SV2B: variants seen among roughly 807,000 people sequenced by gnomAD.
The protein encoded by SV2B is synaptic vesicle glycoprotein 2B.
Under a neutral mutation model 73.9 loss-of-function variants are expected in SV2B, and 41 were observed. That is an observed-to-expected ratio of 0.56 (90% CI 0.43 to 0.72). The LOEUF is 0.72. Ranked by LOEUF, SV2B falls within the 30% of genes least tolerant of loss-of-function variation. The probability of loss-of-function intolerance (pLI) is 0.00; values close to 1 mark genes in which losing one functional copy is unlikely to be tolerated. For synonymous variants in SV2B, 314 were observed against 314.2 expected (o/e 1.00, Z 0.01); for missense variants, 764 against 857.8 (o/e 0.89, Z 1.37).
chr15:91,190,955 G>A lies in SV2B; in HGVS notation c.-391-34918G>A, dbSNP rs146439575. 2.6e-3 allele frequency among the ~76,000 whole-genome samples: 374 copies of A among 146,300 alleles called. 1 individual carries two copies. Among genetic ancestry groups the A allele is most frequent in the African/African-American group, 9.1e-3 (362 of 39,782 alleles). ...GATCATTATAGTTTCTTGATCTAGTGTTTTGTCTACCTTTATTTATCATAC... is the reference window on the plus strand; with the variant it reads ...GATCATTATAGTTTCTTGATCTAGTATTTTGTCTACCTTTATTTATCATAC... On this transcript the variant is annotated intron_variant, in intron 1 of 12. Coordinates refer to ENST00000394232, the MANE Select transcript of SV2B (RefSeq NM_001323032.3).
chr15:91,260,407 A>G lies in SV2B; in HGVS notation c.1006A>G (p.Thr336Ala). Residue 336 changes from threonine to alanine, a missense_variant and splice_region_variant, in exon 6 of 13, where the codon ACG becomes GCG. Coordinates refer to ENST00000394232, the MANE Select transcript of SV2B (RefSeq NM_001323032.3). Reference sequence around the variant, plus strand: ...TAAGGGGACCCCAGAGAAAGTGTTCACGGTGAGTGTGGGGTTGCCTGCCAA... The same window carrying G: ...TAAGGGGACCCCAGAGAAAGTGTTCGCGGTGAGTGTGGGGTTGCCTGCCAA... ...RAKGTPEKVF[T>A]VSNIKTPKQM... 1 of 1,612,342 alleles carries G rather than the reference A, an allele frequency of 6.2e-7. No homozygotes were observed. Among genetic ancestry groups the G allele is most frequent in the South Asian group, 1.1e-5 (1 of 90,776 alleles).
In SV2B at chr15:91,265,814, T is replaced by C. The variant is rs1048483313; in HGVS notation, c.1009-768T>C. ...CATTTCTGGGAAGAGAGCCTATGCC[T>C]TTAGCAGATTCTCAAATTCTCCCAA... On this transcript the variant is annotated intron_variant, in intron 6 of 12. Coordinates refer to ENST00000394232, the MANE Select transcript of SV2B (RefSeq NM_001323032.3). The surrounding 1 kb of genome is among the most constrained non-coding windows in gnomAD (Gnocchi z 4.2). Among the ~76,000 whole-genome samples the C allele has an allele frequency of 1.3e-5, 2 of 152,206 alleles. No individual in the cohort carries two copies. The highest frequency in any genetic ancestry group is 4.8e-5 in the African/African-American group (2 of 41,452).
In SV2B at chr15:91,123,525, G is replaced by A. The variant is rs560516389; in HGVS notation, c.-392+23162G>A. Among the ~76,000 whole-genome samples, 2 of 152,234 alleles carry A rather than the reference G, an allele frequency of 1.3e-5. No individual in the cohort carries two copies. Among genetic ancestry groups the A allele is most frequent in the East Asian group, 3.9e-4 (2 of 5,178 alleles). ...CACAGAGCCTGCACTTGGGTACCCCGGGAGAACTTAGGGAGACGGGATCTG... is the reference window on the plus strand; with the variant it reads ...CACAGAGCCTGCACTTGGGTACCCCAGGAGAACTTAGGGAGACGGGATCTG... On this transcript the variant is annotated intron_variant, in intron 1 of 12. Transcript: ENST00000394232. This position sits in a 1 kb window ranked among gnomAD's most constrained non-coding sequence, Gnocchi z 4.7.
chr15:91,156,800 C>T (rs1387692782), intron 1 of SV2B, among the ~76,000 whole-genome samples: 1 of 152,224 alleles, frequency 6.6e-6, no homozygotes, highest in Non-Finnish European at 1.5e-5. Flanking sequence ...CTCCAGGGTG[C>T]AGTATCTTTG....
chr15:91,154,384 A>T (rs1394324256), intron 1 of SV2B, among the ~76,000 whole-genome samples: 1 of 152,096 alleles, frequency 6.6e-6, no homozygotes. Context: ...GCTTAGGGTC[A>T]GGGGTCCAGG....
chr15:91,235,077 C>T (rs1596646568), intron 2 of SV2B, among the ~76,000 whole-genome samples: 1 of 152,162 alleles, frequency 6.6e-6, no homozygotes, highest in South Asian at 2.1e-4. Context: ...CTAGCAGAAT[C>T]ACCACATTGG....
chr15:91,285,238 G>T (rs568132006), intron 11 of SV2B, among the ~76,000 whole-genome samples: 1 of 152,164 alleles, frequency 6.6e-6, no homozygotes, highest in Non-Finnish European at 1.5e-5. Context: ...CGTGGTAAGC[G>T]TGAGAACTGC....
intron 4 of SV2B, among the ~76,000 whole-genome samples, chr15:91,255,939 CTGA>C (rs1408060974): frequency 6.6e-6 from 1 of 152,102 alleles, no homozygotes. Flanking sequence ...AGAGAAGAGA[CTGA>C]TATTTGTGTG....
At chr15:91,170,702 C>T (rs1011284109) in intron 1 of SV2B, among the ~76,000 whole-genome samples, 1 of 152,184 alleles carries the variant, frequency 6.6e-6, no homozygotes, top group Non-Finnish European at 1.5e-5. Context: ...TTAGATTCAC[C>T]ATTGTAATTT....
chr15:91,208,818 C>G (rs28493820), intron 1 of SV2B, among the ~76,000 whole-genome samples: 1 of 152,216 alleles, frequency 6.6e-6, no homozygotes, highest in Non-Finnish European at 1.5e-5. Flanking sequence ...TCTCCTTCTT[C>G]TGCTCCATTC....
chr15:91,202,235 T>G (rs1428609906), intron 1 of SV2B, among the ~76,000 whole-genome samples: 1 of 152,250 alleles, frequency 6.6e-6, no homozygotes, highest in African/African-American at 2.4e-5. Flanking sequence ...TTTGTATATT[T>G]CCTGCCCTCT....
rs1241771468 is a variant in SV2B at position 91,292,517 on chromosome 15, C to T, written c.2017C>T (p.Arg673Ter). ...SLVGGGLIAL[R>*]LPETREQVLM ...GGTTGGGGGTGGCCTGATTGCCCTT[C>T]GACTGCCAGAGACTCGAGAACAGGT... The change falls in exon 13 of 13, where the codon CGA (arginine) becomes TGA (stop). Residue 673 changes from arginine to a stop codon, truncating the protein, a stop_gained. Transcript: ENST00000394232. LOFTEE classifies it high-confidence loss of function. The T allele has an allele frequency of 1.2e-6, 2 of 1,613,846 alleles. No individual in the cohort carries two copies. Among genetic ancestry groups the T allele is most frequent in the Non-Finnish European group, 1.7e-6 (2 of 1,179,972 alleles).
At chr15:91,117,588 ATTC>A (rs768634256) in intron 1 of SV2B, among the ~76,000 whole-genome samples, 3 of 152,212 alleles carry the variant, frequency 2.0e-5, no homozygotes, top group Admixed American at 6.5e-5. Context: ...CCAGGGACAT[ATTC>A]TTCTCCTTCT....
chr15:91,284,721 C>T lies in SV2B; in HGVS notation c.1708+500C>T, dbSNP rs2048802198. On this transcript the variant is annotated intron_variant, in intron 11 of 12. Transcript: ENST00000394232. The surrounding 1 kb of genome is among the most constrained non-coding windows in gnomAD (Gnocchi z 4.5). ...AATGTGTTCCTTTACTTCTCTGGGC[C>T]TCAGTTTCCTTATTTATAAGAGAAT... is the stretch of plus-strand genomic sequence containing the variant. Among the ~76,000 whole-genome samples the T allele has an allele frequency of 6.6e-6, 1 of 152,126 alleles. No homozygotes were observed. Among genetic ancestry groups the T allele is most frequent in the Non-Finnish European group, 1.5e-5 (1 of 68,028 alleles).
chr15:91,125,509 CG>C (rs2042451554), intron 1 of SV2B, among the ~76,000 whole-genome samples: 1 of 152,064 alleles, frequency 6.6e-6, no homozygotes, highest in Admixed American at 6.5e-5. Context: ...CAGTGGCTCA[CG>C]CCTGTAATCC....
intron 1 of SV2B, among the ~76,000 whole-genome samples, chr15:91,151,317 G>C (rs571300247): frequency 6.6e-6 from 1 of 152,322 alleles, no homozygotes; most frequent in South Asian, 2.1e-4. Flanking sequence ...TTAAACTGCA[G>C]CTTTATAATT....
chr15:91,172,711 C>T (rs1252833732), intron 1 of SV2B, among the ~76,000 whole-genome samples: 1 of 152,200 alleles, frequency 6.6e-6, no homozygotes, highest in African/African-American at 2.4e-5. Flanking sequence ...GTCCTGATAG[C>T]TGTGTGACTT....
chr15:91,244,200 C>G (rs1401562764), intron 2 of SV2B, among the ~76,000 whole-genome samples: 1 of 152,198 alleles, frequency 6.6e-6, no homozygotes, highest in East Asian at 1.9e-4. Context: ...CCTCCCTCAC[C>G]AGGTTGGAAT....
rs1390214139 is a variant in SV2B, at chr15:91,137,585, TTTCTC to T, written c.-392+37223_-392+37227del. ...AAAATGTGAAATATATATATATATA[TTTCTC>T]ATATATATATATATTTCATATATAT... is the stretch of plus-strand genomic sequence containing the variant. On this transcript the variant is annotated intron_variant, in intron 1 of 12. Transcript: ENST00000394232. This position sits in a 1 kb window ranked among gnomAD's most constrained non-coding sequence, Gnocchi z 4.9. 2.1e-5 allele frequency among the ~76,000 whole-genome samples: 3 copies of T among 145,160 alleles called. No homozygotes were observed. The highest frequency in any genetic ancestry group is 7.6e-5 in the African/African-American group (3 of 39,568).
Sources: allele counts gnomAD v4.1 joint callset (sites outside exome capture counted in the v4.1 genomes callset), GRCh38; gene constraint gnomAD v4.1.1; non-coding constraint Gnocchi (gnomAD v3.1); transcripts MANE v1.5; gene names NCBI Gene and HGNC (gene_info 2026-07-23, HGNC 2026-07-21).